Variants in SHOC2 observed in about 807,000 individuals in gnomAD.
SHOC2 encodes SHOC2 leucine rich repeat scaffold protein, also known as leucine-rich repeat protein SHOC-2.
In SHOC2, 4 loss-of-function variants were observed where a neutral mutation model predicts 50.2. The observed-to-expected ratio is 0.08, with a 90% confidence interval of 0.04 to 0.18. The LOEUF (loss-of-function observed/expected upper bound fraction) is 0.18, where lower values mean the gene tolerates loss of function less well. Ranked by LOEUF, SHOC2 falls within the 10% of genes least tolerant of loss-of-function variation. SHOC2 has a pLI of 1.00. For synonymous variants in SHOC2, 218 were observed against 244.5 expected (o/e 0.89, Z 1.01); for missense variants, 388 against 669.6 (o/e 0.58, Z 4.64).
At chr10:110,981,874 T>C (rs146412453) in intron 2 of SHOC2, among the ~76,000 whole-genome samples, 26 of 5,144 alleles carry the variant, frequency 5.1e-3, no homozygotes, top group Non-Finnish European at 0.011. Flanking sequence ...TTATTTATTT[T>C]TTTAAGTTTT....
chr10:110,997,502 C>G lies in SHOC2; in HGVS notation c.842-2913C>G, dbSNP rs376030542. Among the ~76,000 whole-genome samples, 19 of 151,492 alleles carry G rather than the reference C, an allele frequency of 1.3e-4. No individual in the cohort carries two copies. In the East Asian group the frequency reaches 3.7e-3, roughly 30 times the overall value. On this transcript the variant is annotated intron_variant, in intron 3 of 8. Transcript: ENST00000369452. The stretch of plus-strand genomic sequence containing the variant: ...TGCCTGTTTCTTACGTTGTTGAAAT[C>G]ATACAAAATGCACAATTTTATCATG...
At chr10:110,988,867 A>T in intron 3 of SHOC2, 1 of 458,700 alleles carries the variant, frequency 2.2e-6, no homozygotes, top group South Asian at 1.6e-5. Flanking sequence ...GATATGTTGT[A>T]TTTTCCTTTT....
chr10:110,975,078 A>G (rs962024970), intron 2 of SHOC2, among the ~76,000 whole-genome samples: 7 of 152,274 alleles, frequency 4.6e-5, no homozygotes, highest in South Asian at 2.1e-4. Context: ...GATACAATAC[A>G]ATAAACTAAA....
In SHOC2 at chr10:111,012,118, G is replaced by T; in HGVS notation, c.*300G>T. ...GAAGTTATTAAATTTAAGGGACAGA[G>T]GTAGTATAGTTAGATATACTTTCTC... On this transcript the variant is annotated 3_prime_UTR_variant, in exon 9 of 9. Coordinates refer to ENST00000369452, the MANE Select transcript of SHOC2 (RefSeq NM_007373.4). 3.0e-6 allele frequency: 1 copy of T among 338,768 alleles called. No individual in the cohort carries two copies. Among genetic ancestry groups the T allele is most frequent in the South Asian group, 3.4e-5 (1 of 29,578 alleles). 21.0% of individuals were successfully genotyped at this position (338,768 alleles called of 1,614,324 possible). A position where few individuals can be genotyped will look rare whatever the true frequency, so the allele number is the denominator to read the frequency against.
chr10:110,984,463 C>T (rs567663178), intron 2 of SHOC2, among the ~76,000 whole-genome samples: 2 of 152,164 alleles, frequency 1.3e-5, no homozygotes, highest in African/African-American at 4.8e-5. Flanking sequence ...TGCCTTTTCA[C>T]TCTTCATAGT....
At chr10:110,976,162 G>A (rs1253949931) in intron 2 of SHOC2, among the ~76,000 whole-genome samples, 3 of 151,912 alleles carry the variant, frequency 2.0e-5, no homozygotes, top group Non-Finnish European at 4.4e-5. Context: ...CGCCTGCCTC[G>A]GCCTCTCAAA....
chr10:110,990,732 A>C (rs558206266), intron 3 of SHOC2, among the ~76,000 whole-genome samples: 57 of 152,190 alleles, frequency 3.7e-4, no homozygotes, highest in African/African-American at 1.3e-3. Context: ...TCTTTGCAAT[A>C]AATCTTGCTA....
At chr10:110,936,684 T>A in intron 1 of SHOC2, 1 of 1,007,188 alleles carries the variant, frequency 9.9e-7, no homozygotes, top group Non-Finnish European at 1.5e-6. Flanking sequence ...TTCTCCATGT[T>A]CCTCTTGGCC....
intron 8 of SHOC2, among the ~76,000 whole-genome samples, chr10:111,011,406 T>C (rs1219264673): frequency 6.6e-6 from 1 of 152,060 alleles, no homozygotes. Context: ...GACCTGGACA[T>C]ATAGGAGTTT....
intron 1 of SHOC2, among the ~76,000 whole-genome samples, chr10:110,928,635 C>T (rs1209333113): frequency 6.6e-6 from 1 of 151,958 alleles, no homozygotes; most frequent in Non-Finnish European, 1.5e-5. Flanking sequence ...GTAGCTTATA[C>T]CTGTAATCCC....
chr10:110,975,741 T>A (rs1315984664), intron 2 of SHOC2, among the ~76,000 whole-genome samples: 1 of 152,224 alleles, frequency 6.6e-6, no homozygotes, highest in Non-Finnish European at 1.5e-5. Flanking sequence ...GACCAGTTGG[T>A]TAATGCTTCT....
intron 2 of SHOC2, among the ~76,000 whole-genome samples, chr10:110,972,741 G>T (rs561955890): frequency 2.8e-4 from 42 of 152,138 alleles, no homozygotes; most frequent in Non-Finnish European, 4.3e-4. Flanking sequence ...TGAGGTTGAG[G>T]TGGGAGAGTC....
At chr10:110,949,549 C>G (rs1263855893) in intron 1 of SHOC2, among the ~76,000 whole-genome samples, 1 of 151,968 alleles carries the variant, frequency 6.6e-6, no homozygotes, top group African/African-American at 2.4e-5. Context: ...CTTCCAAAAC[C>G]TTAGAGGAGG....
At chr10:110,992,693 A>AT (rs1322618092) in intron 3 of SHOC2, among the ~76,000 whole-genome samples, 1 of 152,168 alleles carries the variant, frequency 6.6e-6, no homozygotes, top group Non-Finnish European at 1.5e-5. Context: ...CATTTTAGTC[A>AT]TTTTAGTAAT....
At chr10:110,973,331 A>G (rs553440107) in intron 2 of SHOC2, among the ~76,000 whole-genome samples, 2 of 152,314 alleles carry the variant, frequency 1.3e-5, no homozygotes, top group East Asian at 1.9e-4. Context: ...AGGAAAGTTT[A>G]TAACCGTGAA....
intron 2 of SHOC2, among the ~76,000 whole-genome samples, chr10:110,980,679 TGGTCTAG>T (rs1564720543): frequency 1.6e-4 from 24 of 152,310 alleles, no homozygotes; most frequent in Non-Finnish European, 2.9e-4. Context: ...CTGGTCAAAA[TGGTCTAG>T]ATTCCTTAGG....
At chr10:110,978,735 G>C (rs1847920218) in intron 2 of SHOC2, among the ~76,000 whole-genome samples, 1 of 152,174 alleles carries the variant, frequency 6.6e-6, no homozygotes, top group South Asian at 2.1e-4. Flanking sequence ...GAAGATTTTA[G>C]GGCTCTGCTC....
intron 1 of SHOC2, 60 bp downstream of exon 1, chr10:110,919,717 C>T (rs1418139836): frequency 7.5e-6 from 3 of 397,440 alleles, no homozygotes; most frequent in Non-Finnish European, 1.3e-5. Context: ...GCCTGCCTTC[C>T]TGTCCGTCGG....
chr10:110,994,182 G>A (rs538557135), intron 3 of SHOC2, among the ~76,000 whole-genome samples: 2 of 152,208 alleles, frequency 1.3e-5, no homozygotes, highest in South Asian at 4.1e-4. Context: ...TTTATCAGAA[G>A]GTTTTGAAGT....
Sources: gnomAD v4.1 joint callset for allele counts (sites outside exome capture counted in the v4.1 genomes callset) on GRCh38, gnomAD v4.1.1 for gene constraint, MANE v1.5 for transcripts, NCBI Gene and HGNC (gene_info 2026-07-23, HGNC 2026-07-21) for gene names.